Variants in SYT13 observed in about 807,000 individuals in gnomAD.
SYT13 encodes synaptotagmin-13.
In SYT13, 21 loss-of-function variants were observed where a neutral mutation model predicts 38.6. The ratio of observed to expected loss-of-function variants is 0.54; its 90% CI spans 0.39 to 0.78. The LOEUF (loss-of-function observed/expected upper bound fraction) is 0.78. SYT13 is among the 30% of genes least tolerant of loss of function. The pLI, the probability that SYT13 is intolerant of heterozygous loss-of-function variation, is 0.00. For missense variants in SYT13, 495 were observed against 548.7 expected (o/e 0.90, Z 0.98); for synonymous variants, 241 against 237.6 (o/e 1.01, Z -0.13).
intron 1 of SYT13, among the ~76,000 whole-genome samples, chr11:45,277,238 AG>A (rs111431892): frequency 0.08 from 12,186 of 152,220 alleles, 1,284 homozygotes; most frequent in African/African-American, 0.24. Flanking sequence ...AGGGCGGAAT[AG>A]TGACTGTTTA....
chr11:45,278,364 T>G (rs895773141), intron 1 of SYT13, among the ~76,000 whole-genome samples: 3 of 152,164 alleles, frequency 2.0e-5, no homozygotes, highest in Non-Finnish European at 4.4e-5. Flanking sequence ...CTCCACATAT[T>G]CGGATTGCTC....
intron 1 of SYT13, among the ~76,000 whole-genome samples, chr11:45,261,985 A>T (rs1854822911): frequency 6.6e-6 from 1 of 152,170 alleles, no homozygotes; most frequent in South Asian, 2.1e-4. Flanking sequence ...CACTCAAAAT[A>T]TTCGAAAGCA....
chr11:45,262,910 G>T (rs1854836869), intron 1 of SYT13, among the ~76,000 whole-genome samples: 1 of 152,170 alleles, frequency 6.6e-6, no homozygotes, highest in Non-Finnish European at 1.5e-5. Flanking sequence ...GACAGGCAAT[G>T]AATTCTCCTT....
chr11:45,284,512 G>A (rs553664332), intron 1 of SYT13, among the ~76,000 whole-genome samples: 1 of 152,292 alleles, frequency 6.6e-6, no homozygotes, highest in South Asian at 2.1e-4. Flanking sequence ...ATTTGAAGCA[G>A]GGGAGAGACA....
chr11:45,251,753 C>A (rs1854679048), intron 4 of SYT13, among the ~76,000 whole-genome samples: 1 of 152,202 alleles, frequency 6.6e-6, no homozygotes, highest in Admixed American at 6.5e-5. Flanking sequence ...TCTCAGAAGA[C>A]CCTTCTTTCC....
intron 1 of SYT13, among the ~76,000 whole-genome samples, chr11:45,284,958 C>G (rs1855116584): frequency 6.6e-6 from 1 of 152,226 alleles, no homozygotes; most frequent in Non-Finnish European, 1.5e-5. Flanking sequence ...AGGCCCCACA[C>G]AACTGGGTCC....
At chr11:45,262,721 T>TCACACACACACACA (rs71451610) in intron 1 of SYT13, among the ~76,000 whole-genome samples, 3 of 78,266 alleles carry the variant, frequency 3.8e-5, no homozygotes, top group East Asian at 5.4e-4. Flanking sequence ...GGAGATCCTA[T>TCACACACACACACA]CACACACACA....
chr11:45,276,994 A>G (rs1855019036), intron 1 of SYT13, among the ~76,000 whole-genome samples: 1 of 152,348 alleles, frequency 6.6e-6, no homozygotes, highest in Admixed American at 6.5e-5. Context: ...GGTAGAACCA[A>G]TCCAAATGTC....
At chr11:45,279,441 G>A (rs1324995041) in intron 1 of SYT13, among the ~76,000 whole-genome samples, 1 of 152,070 alleles carries the variant, frequency 6.6e-6, no homozygotes, top group African/African-American at 2.4e-5. Context: ...AAAGAAATTA[G>A]CCAGGTACGG....
At chr11:45,273,433 G>A (rs998325078) in intron 1 of SYT13, among the ~76,000 whole-genome samples, 3 of 150,870 alleles carry the variant, frequency 2.0e-5, no homozygotes. Context: ...CAATGCAGCT[G>A]ATAGGTGGGG....
At chr11:45,255,479 G>A (rs1337162690) in intron 2 of SYT13, among the ~76,000 whole-genome samples, 187 bp downstream of exon 2, 1 of 152,226 alleles carries the variant, frequency 6.6e-6, no homozygotes, top group Non-Finnish European at 1.5e-5. Context: ...TGGGGGAGAA[G>A]TGGTATGGCA....
intron 1 of SYT13, among the ~76,000 whole-genome samples, chr11:45,257,847 T>C (rs1459280743): frequency 2.0e-5 from 3 of 152,238 alleles, no homozygotes; most frequent in African/African-American, 7.2e-5. Context: ...CGGGGACCTC[T>C]TGGACAACCA....
intron 1 of SYT13, among the ~76,000 whole-genome samples, chr11:45,264,861 TGA>T (rs1260569240): frequency 6.6e-6 from 1 of 152,206 alleles, no homozygotes; most frequent in Admixed American, 6.5e-5. Flanking sequence ...GACAAGGATG[TGA>T]GACATTTGGG....
rs775615785 is a variant in SYT13 at position 45,252,648 on chromosome 11, C to T, written c.619G>A (p.Glu207Lys). The T allele has an allele frequency of 5.6e-6, 9 of 1,613,116 alleles. No individual in the cohort carries two copies. The highest frequency in any genetic ancestry group is 7.6e-6 in the Non-Finnish European group (9 of 1,179,252). The stretch of plus-strand genomic sequence containing the variant: ...CGCTTCTTTAGGGCTGTCTGAGCCT[C>T]CACAGAGCCGGTCCTATTGGCCACA... ...GSVANRTGSVEAQTALKKRQL... is the reference protein window; with the variant it reads ...GSVANRTGSVKAQTALKKRQL... The change falls in exon 4 of 6, where the codon GAG (glutamate) becomes AAG (lysine). Residue 207 changes from glutamate (E) to lysine (K), a missense_variant. Transcript: ENST00000020926. This position sits in a 1 kb window ranked among gnomAD's most constrained non-coding sequence, Gnocchi z 4.3.
chr11:45,248,235 CTG>C (rs1854636076), intron 4 of SYT13, among the ~76,000 whole-genome samples: 1 of 152,230 alleles, frequency 6.6e-6, no homozygotes, highest in Non-Finnish European at 1.5e-5. Context: ...TTATTAAACA[CTG>C]TGTGTGAAGT....
intron 1 of SYT13, among the ~76,000 whole-genome samples, chr11:45,268,068 G>A (rs1012091822): frequency 1.9e-4 from 29 of 152,114 alleles, no homozygotes; most frequent in African/African-American, 6.5e-4. Flanking sequence ...GCCTCCAGCC[G>A]GTACTTGATG....
chr11:45,259,281 G>A (rs1854788099), intron 1 of SYT13, among the ~76,000 whole-genome samples: 1 of 152,168 alleles, frequency 6.6e-6, no homozygotes, highest in Non-Finnish European at 1.5e-5. Context: ...TGTTTGGGTG[G>A]TCTGGGAAAC....
intron 1 of SYT13, among the ~76,000 whole-genome samples, chr11:45,263,124 A>G (rs112387831): frequency 0.024 from 3,632 of 152,276 alleles, 153 homozygotes; most frequent in African/African-American, 0.084. Flanking sequence ...CTCTGCCTCC[A>G]GTAATAATCC....
At position 45,244,262 on chromosome 11, in the gene SYT13, G is replaced by A. The variant is rs141742470; in HGVS notation, c.1071C>T (p.Asn357=). 1.5e-4 allele frequency: 240 copies of A among 1,614,006 alleles called. No homozygotes were observed. In the African/African-American group the frequency reaches 1.9e-3, roughly 13 times the overall value. The change falls in exon 6 of 6, where the codon AAC becomes AAT. Residue 357 remains asparagine (N), a synonymous_variant. Coordinates refer to ENST00000020926, the MANE Select transcript of SYT13 (RefSeq NM_020826.3). ...CAGGCAGCTCAAACATGATCATCTC[G>A]TTCCACACGGGGTTGATCTTGTGCT... is the stretch of plus-strand genomic sequence containing the variant. ...RAKHKINPVW[N]EMIMFELPDD... is the part of the protein sequence containing the mutation.
Sources: allele counts gnomAD v4.1 joint callset (sites outside exome capture counted in the v4.1 genomes callset), GRCh38; gene constraint gnomAD v4.1.1; non-coding constraint Gnocchi (gnomAD v3.1); transcripts MANE v1.5; gene names NCBI Gene and HGNC (gene_info 2026-07-23, HGNC 2026-07-21).